The following FSTL5 variants were observed in gnomAD, a reference collection of about 807,000 sequenced individuals.
FSTL5 encodes follistatin-related protein 5.
FSTL5 carries 62 observed loss-of-function variants against 89.1 expected under a neutral mutation model. The observed-to-expected ratio is 0.70, with a 90% confidence interval of 0.57 to 0.86. The LOEUF (loss-of-function observed/expected upper bound fraction) is 0.86, where lower values mean the gene tolerates loss of function less well. FSTL5 is among the 40% of genes least tolerant of loss of function. FSTL5 has a pLI of 0.00. For synonymous variants in FSTL5, 383 were observed against 346.2 expected, an observed-to-expected ratio of 1.11 and a Z score of -1.18; for missense variants, 1,057 against 1,001.6, an observed-to-expected ratio of 1.06 and a Z score of -0.75.
chr4:161,925,003 G>C (rs1400258965), intron 3 of FSTL5, among the ~76,000 whole-genome samples: 1 of 151,784 alleles, frequency 6.6e-6, no homozygotes, highest in African/African-American at 2.4e-5. Flanking sequence ...TTGCTTTTCT[G>C]TTCCACTCTG....
intron 4 of FSTL5, among the ~76,000 whole-genome samples, chr4:161,820,745 G>C (rs1730464669): frequency 6.6e-6 from 1 of 152,068 alleles, no homozygotes; most frequent in Admixed American, 6.5e-5. Context: ...CCAGAAGATG[G>C]AAGGAATCTG....
At chr4:161,929,269 T>C (rs1327543579) in intron 3 of FSTL5, among the ~76,000 whole-genome samples, 1 of 150,444 alleles carries the variant, frequency 6.6e-6, no homozygotes, top group Non-Finnish European at 1.5e-5. Flanking sequence ...AGAGATCAGT[T>C]AACTCTAATG....
At position 161,384,364 on chromosome 4, in the gene FSTL5, C is replaced by CA. The variant is rs1171291620; in HGVS notation, c.*1382dup. On this transcript the variant is annotated 3_prime_UTR_variant, in exon 16 of 16. Coordinates refer to ENST00000306100, the MANE Select transcript of FSTL5 (RefSeq NM_020116.5). ...AAACAAAAATAAGTACAAGGATTTT[C>CA]AAAACATGTAAGCTATTACTTTAAG... 1 of 152,082 alleles carries CA rather than the reference C, an allele frequency of 6.6e-6. No individual in the cohort carries two copies. Among genetic ancestry groups the CA allele is most frequent in the Non-Finnish European group, 1.5e-5 (1 of 67,970 alleles). The allele number at this position is 152,082 out of a possible 1,614,324, so 9.4% of individuals were successfully genotyped here.
intron 4 of FSTL5, among the ~76,000 whole-genome samples, chr4:161,801,915 T>C (rs892656822): frequency 2.0e-5 from 3 of 151,650 alleles, no homozygotes; most frequent in South Asian, 2.1e-4. Flanking sequence ...TATGGAATTA[T>C]TTGAAAATGT....
chr4:161,862,768 G>GAACCTGGA (rs1351346996), intron 4 of FSTL5, among the ~76,000 whole-genome samples: 1 of 151,944 alleles, frequency 6.6e-6, no homozygotes, highest in Non-Finnish European at 1.5e-5. Context: ...AAATGATAAA[G>GAACCTGGA]AACCTGGAAA....
At chr4:161,977,639 A>AATAATAATAAT in intron 3 of FSTL5, among the ~76,000 whole-genome samples, 1 of 101,216 alleles carries the variant, frequency 9.9e-6, no homozygotes, top group African/African-American at 4.1e-5. Context: ...AAAAAAAAAA[A>AATAATAATAAT]AATAATAATA....
At chr4:161,400,713 A>G (rs1469118915) in intron 15 of FSTL5, among the ~76,000 whole-genome samples, 1 of 152,146 alleles carries the variant, frequency 6.6e-6, no homozygotes. Flanking sequence ...GTATAATATC[A>G]TCAAAAAATG....
intron 3 of FSTL5, among the ~76,000 whole-genome samples, chr4:161,994,049 G>A (rs544082997): frequency 3.3e-5 from 5 of 152,048 alleles, no homozygotes; most frequent in Admixed American, 6.6e-5. Context: ...CCTCCTCCTC[G>A]CTTTCAACCT....
chr4:162,091,456 G>A (rs1185670559), intron 2 of FSTL5, among the ~76,000 whole-genome samples: 1 of 152,052 alleles, frequency 6.6e-6, no homozygotes, highest in Non-Finnish European at 1.5e-5. Flanking sequence ...AACTCAGTCT[G>A]AACAAGTGTC....
intron 6 of FSTL5, among the ~76,000 whole-genome samples, chr4:161,688,637 T>C (rs1303617096): frequency 1.3e-5 from 2 of 152,236 alleles, no homozygotes; most frequent in Non-Finnish European, 2.9e-5. Flanking sequence ...TTCTCATTTA[T>C]AGAAATATTA....
intron 8 of FSTL5, among the ~76,000 whole-genome samples, chr4:161,569,016 T>C (rs1464169450): frequency 2.0e-5 from 3 of 152,212 alleles, no homozygotes; most frequent in East Asian, 3.9e-4. Flanking sequence ...TTTCTTATCA[T>C]GGCTTTCTAC....
intron 6 of FSTL5, among the ~76,000 whole-genome samples, chr4:161,731,002 G>A (rs1739587191): frequency 6.6e-6 from 1 of 152,158 alleles, no homozygotes; most frequent in African/African-American, 2.4e-5. Context: ...TAACATTTAA[G>A]ATTATGTATT....
chr4:161,904,602 T>C (rs976862619), intron 4 of FSTL5, among the ~76,000 whole-genome samples: 12 of 149,930 alleles, frequency 8.0e-5, no homozygotes, highest in African/African-American at 2.7e-4. Flanking sequence ...AGTCAGATTA[T>C]AAAAGATATT....
At chr4:161,445,399 C>T (rs1174860976) in intron 15 of FSTL5, among the ~76,000 whole-genome samples, 1 of 151,742 alleles carries the variant, frequency 6.6e-6, no homozygotes, top group Non-Finnish European at 1.5e-5. Context: ...CAATTATTTA[C>T]ATTATAGACT....
chr4:161,480,274 T>C (rs1729453483), intron 13 of FSTL5, among the ~76,000 whole-genome samples: 1 of 152,204 alleles, frequency 6.6e-6, no homozygotes. Flanking sequence ...ATTATTCCCA[T>C]TTGACAGATT....
intron 7 of FSTL5, among the ~76,000 whole-genome samples, chr4:161,626,927 G>A (rs1735334812): frequency 6.6e-6 from 1 of 152,162 alleles, no homozygotes; most frequent in Non-Finnish European, 1.5e-5. Flanking sequence ...AGTTGCTACA[G>A]TAGCACTATA....
At chr4:161,388,767 C>T (rs1730727137) in intron 15 of FSTL5, among the ~76,000 whole-genome samples, 1 of 152,022 alleles carries the variant, frequency 6.6e-6, no homozygotes, top group Admixed American at 6.6e-5. Flanking sequence ...TCCTCTTAAC[C>T]TTGAGTCTTC....
chr4:161,499,662 A>ATATTT (rs1730227011), intron 12 of FSTL5, among the ~76,000 whole-genome samples: 1 of 152,132 alleles, frequency 6.6e-6, no homozygotes, highest in African/African-American at 2.4e-5. Context: ...TATGTACAGG[A>ATATTT]TATTTTATTT....
At chr4:161,961,566 T>C (rs902741501) in intron 3 of FSTL5, among the ~76,000 whole-genome samples, 2 of 151,184 alleles carry the variant, frequency 1.3e-5, no homozygotes, top group East Asian at 1.9e-4. Flanking sequence ...TGCATAGATA[T>C]ATAAATAATT....
Sources: gnomAD v4.1 joint callset for allele counts (sites outside exome capture counted in the v4.1 genomes callset) on GRCh38, gnomAD v4.1.1 for gene constraint, MANE v1.5 for transcripts, NCBI Gene and HGNC (gene_info 2026-07-23, HGNC 2026-07-21) for gene names.